The following MYLK variants were observed in gnomAD, a reference collection of about 807,000 sequenced individuals.
MYLK encodes the protein myosin light chain kinase.
Under a neutral mutation model 203.4 loss-of-function variants are expected in MYLK, and 106 were observed. The ratio of observed to expected loss-of-function variants is 0.52; its 90% confidence interval spans 0.45 to 0.61. The LOEUF is 0.61. MYLK is among the 20% of genes least tolerant of loss of function. The pLI, the probability that MYLK is intolerant of heterozygous loss-of-function variation, is 0.00. For missense variants in MYLK, 2,072 were observed against 2,442.3 expected, an observed-to-expected ratio of 0.85 and a Z score of 3.20; for synonymous variants, 867 against 959.5, an observed-to-expected ratio of 0.90 and a Z score of 1.78.
At chr3:123,722,329 G>C in intron 12 of MYLK, 49 bp from the exon 13 acceptor site, 1 of 1,541,340 alleles carries the variant, frequency 6.5e-7, no homozygotes, top group Non-Finnish European at 8.8e-7. Flanking sequence ...CTGGCAGTAG[G>C]GACGGGAGCC....
chr3:123,711,977 TG>T (rs1166455303), intron 13 of MYLK, among the ~76,000 whole-genome samples: 2 of 152,166 alleles, frequency 1.3e-5, no homozygotes, highest in Non-Finnish European at 2.9e-5. Flanking sequence ...TCTGGGAACC[TG>T]GATGGGGAGA....
rs765421400 is a variant in MYLK, at chr3:123,657,249, A to C, written c.4165T>G (p.Phe1389Val). The change falls in exon 24 of 34, where the codon TTC (phenylalanine) becomes GTC (valine). Residue 1389 changes from phenylalanine to valine, a missense_variant. Phe to Val is a conservative substitution (Grantham distance 50, BLOSUM62 -1). Coordinates refer to ENST00000360304, the MANE Select transcript of MYLK (RefSeq NM_053025.4). ...TCAGGCAGCAGGTCCTGGACGTTGAAAGAGGTGCTGCGGCATGTGGCTAGT... is the reference window on the plus strand; with the variant it reads ...TCAGGCAGCAGGTCCTGGACGTTGACAGAGGTGCTGCGGCATGTGGCTAGT... ...KELATCRSTS[F>V]NVQDLLPDHE... 16 of 1,614,008 alleles carry C rather than the reference A, an allele frequency of 9.9e-6. No homozygotes were observed. Among genetic ancestry groups the C allele is most frequent in the Non-Finnish European group, 1.4e-5 (16 of 1,180,042 alleles).
intron 2 of MYLK, among the ~76,000 whole-genome samples, chr3:123,855,212 T>C (rs1342077398): frequency 6.6e-6 from 1 of 152,174 alleles, no homozygotes; most frequent in African/African-American, 2.4e-5. Context: ...TCTCTTTCTG[T>C]AGCTTTTATT....
intron 31 of MYLK, among the ~76,000 whole-genome samples, chr3:123,626,208 G>A (rs1052149775): frequency 1.3e-5 from 2 of 152,160 alleles, no homozygotes; most frequent in African/African-American, 4.8e-5. Flanking sequence ...CCATGTGCCA[G>A]GCATTGTACT....
intron 31 of MYLK, chr3:123,624,682 T>C (rs1450247626): frequency 6.6e-6 from 1 of 152,220 alleles, no homozygotes; most frequent in Admixed American, 6.5e-5. Flanking sequence ...AAAAGAATAT[T>C]TGCTACTCAG....
At chr3:123,854,879 A>C (rs1270477760) in intron 2 of MYLK, among the ~76,000 whole-genome samples, 1 of 152,184 alleles carries the variant, frequency 6.6e-6, no homozygotes, top group Non-Finnish European at 1.5e-5. Flanking sequence ...ATCTAGGTAT[A>C]GTATTTTAGG....
At position 123,629,438 on chromosome 3, in the gene MYLK, A is replaced by G; in HGVS notation, c.5114+36T>C. The G allele has an allele frequency of 6.2e-7, 1 of 1,612,512 alleles. No individual in the cohort carries two copies. Among genetic ancestry groups the G allele is most frequent in the Non-Finnish European group, 8.5e-7 (1 of 1,178,766 alleles). On this transcript the variant is annotated intron_variant, in intron 30 of 33. Transcript: ENST00000360304. The surrounding 1 kb of genome is among the most constrained non-coding windows in gnomAD (Gnocchi z 4.4). Reference sequence around the variant, plus strand: ...CTTTGCTTCCCAACACAGGGCAGGGAGTAGGGAAGCAAAGACTGAAATCCC... The same window carrying G: ...CTTTGCTTCCCAACACAGGGCAGGGGGTAGGGAAGCAAAGACTGAAATCCC...
chr3:123,775,742 C>T (rs747994369), intron 4 of MYLK, among the ~76,000 whole-genome samples: 2 of 152,180 alleles, frequency 1.3e-5, no homozygotes, highest in East Asian at 1.9e-4. Context: ...GTTCAACATT[C>T]GACCCTGTGT....
chr3:123,820,334 C>T (rs1158302316), intron 3 of MYLK, among the ~76,000 whole-genome samples: 1 of 152,096 alleles, frequency 6.6e-6, no homozygotes, highest in African/African-American at 2.4e-5. Context: ...ACCTCAGGCA[C>T]TAAGAAAAGG....
chr3:123,768,553 G>A (rs2063777000), intron 4 of MYLK, among the ~76,000 whole-genome samples: 1 of 152,206 alleles, frequency 6.6e-6, no homozygotes, highest in South Asian at 2.1e-4. Flanking sequence ...TGGCCACAGT[G>A]GGCCTAGTTC....
chr3:123,822,804 C>T (rs1471053345), intron 3 of MYLK, among the ~76,000 whole-genome samples: 1 of 152,228 alleles, frequency 6.6e-6, no homozygotes, highest in African/African-American at 2.4e-5. Context: ...CTTGTCATCA[C>T]TGTCCCCACA....
At chr3:123,717,367 C>T (rs534822020) in intron 13 of MYLK, among the ~76,000 whole-genome samples, 3 of 152,330 alleles carry the variant, frequency 2.0e-5, no homozygotes, top group South Asian at 2.1e-4. Context: ...TGCATCAAAA[C>T]AAATACTCTA....
chr3:123,783,979 T>G (rs1418981344), intron 4 of MYLK, among the ~76,000 whole-genome samples: 1 of 152,208 alleles, frequency 6.6e-6, no homozygotes, highest in Non-Finnish European at 1.5e-5. Context: ...CTACAGAGGC[T>G]GGGCAGGAAA....
chr3:123,649,199 G>C lies in MYLK; in HGVS notation c.4289-5C>G, dbSNP rs558865554. 1.7e-5 allele frequency: 28 copies of C among 1,612,418 alleles called. No individual in the cohort carries two copies. The highest frequency in any genetic ancestry group is 2.7e-5 in the African/African-American group (2 of 74,958). On this transcript the variant is annotated splice_polypyrimidine_tract_variant and splice_region_variant and intron_variant, in intron 24 of 33. Transcript: ENST00000360304. ...CCTCCACTTCATCCTTCGGCTCTGG[G>C]GGGGGCACAAGGAAGGACAGAGAGG...
intron 13 of MYLK, among the ~76,000 whole-genome samples, chr3:123,714,281 C>T (rs2061818353): frequency 6.6e-6 from 1 of 152,188 alleles, no homozygotes; most frequent in Admixed American, 6.5e-5. Context: ...TGGTGGGGTC[C>T]TGGTCTGGGT....
rs878855175 is a variant in MYLK, at chr3:123,733,012, G to A, written c.1400C>T (p.Ala467Val). The A allele has an allele frequency of 6.2e-7, 1 of 1,614,192 alleles. No homozygotes were observed. Among genetic ancestry groups the A allele is most frequent in the Non-Finnish European group, 8.5e-7 (1 of 1,180,022 alleles). Residue 467 changes from alanine (A) to valine (V), a missense_variant, in exon 11 of 34, where the codon GCT becomes GTT. Around this residue, in one of 3 missense-constraint regions of MYLK, gnomAD observed 683 missense variants for 643.8 expected, o/e 1.06. Coordinates refer to ENST00000360304, the MANE Select transcript of MYLK (RefSeq NM_053025.4). Reference sequence around the variant, plus strand: ...CAGCAGGCAGAGGTAATGGGAGCCAGCATCTTCATAAACCTCAATGCTGCC... The same window carrying A: ...CAGCAGGCAGAGGTAATGGGAGCCAACATCTTCATAAACCTCAATGCTGCC... ...QEGSIEVYED[A>V]GSHYLCLLKA...
At chr3:123,723,087 C>G (rs2062151910) in intron 12 of MYLK, among the ~76,000 whole-genome samples, 1 of 152,076 alleles carries the variant, frequency 6.6e-6, no homozygotes, top group Non-Finnish European at 1.5e-5. Flanking sequence ...AATCTCATTA[C>G]TGAAGAGTCT....
At position 123,722,178 on chromosome 3, in the gene MYLK, G is replaced by A. The variant is rs770081303; in HGVS notation, c.1754C>T (p.Ala585Val). The A allele has an allele frequency of 1.3e-6, 2 of 1,563,794 alleles. No homozygotes were observed. The highest frequency in any genetic ancestry group is 1.4e-5 in the African/African-American group (1 of 73,766). The change falls in exon 13 of 34, where the codon GCT (alanine) becomes GTT (valine). Residue 585 changes from alanine to valine, a missense_variant. Coordinates refer to ENST00000360304, the MANE Select transcript of MYLK (RefSeq NM_053025.4). ...PEDHGTYTCL[A>V]ENALGQVSCS... is the part of the protein sequence containing the mutation. The stretch of plus-strand genomic sequence containing the variant: ...GGACACCTGCCCCAAGGCATTCTCA[G>A]CTAGGCAGGTGTAGGTGCCATGGTC...
intron 3 of MYLK, among the ~76,000 whole-genome samples, chr3:123,831,162 A>C (rs1467714133): frequency 1.3e-5 from 2 of 152,208 alleles, no homozygotes; most frequent in Admixed American, 1.3e-4. Context: ...AGTTAGTCAG[A>C]GCAGCATCCT....
Sources: allele counts gnomAD v4.1 joint callset (sites outside exome capture counted in the v4.1 genomes callset), GRCh38; gene constraint gnomAD v4.1.1; regional missense constraint gnomAD v4.1.1; non-coding constraint Gnocchi (gnomAD v3.1); transcripts MANE v1.5; gene names NCBI Gene and HGNC (gene_info 2026-07-23, HGNC 2026-07-21).